The following MYBPC1 variants were observed in gnomAD, a reference collection of about 807,000 sequenced individuals.
MYBPC1 encodes the protein myosin binding protein C1.
MYBPC1 carries 52 observed loss-of-function variants against 147.1 expected under a neutral mutation model. The ratio of observed to expected loss-of-function variants is 0.35; its 90% CI spans 0.28 to 0.45. The LOEUF (loss-of-function observed/expected upper bound fraction) is 0.45, where lower values mean the gene tolerates loss of function less well. Ranked by LOEUF, MYBPC1 falls within the 20% of genes least tolerant of loss-of-function variation. The probability of loss-of-function intolerance (pLI) is 1.00; values close to 1 mark genes in which losing one functional copy is unlikely to be tolerated. For synonymous variants in MYBPC1, 477 were observed against 475.9 expected (o/e 1.00, Z -0.03); for missense variants, 1,228 against 1,440.3 (o/e 0.85, Z 2.39).
In MYBPC1 at chr12:101,678,282, A is replaced by G. The variant is rs370577811; in HGVS notation, c.3246+44A>G. 8.1e-6 allele frequency: 13 copies of G among 1,607,406 alleles called. No individual in the cohort carries two copies. The African/African-American group carries it at 1.2e-4, about 15-fold the overall frequency. On this transcript the variant is annotated intron_variant, in intron 28 of 31. Transcript: ENST00000361466. ...ACATCAGTTAAAGTCCCTGTCTTGT[A>G]TTTGTTGTGTTATAATGTAAGTAAC...
At chr12:101,673,350 G>A (rs1391372579) in intron 24 of MYBPC1, 77 bp from the exon 25 acceptor site, 2 of 1,492,862 alleles carry the variant, frequency 1.3e-6, no homozygotes, top group Non-Finnish European at 1.9e-6. Context: ...TTAAGCCACT[G>A]TCCTTCTCAT....
chr12:101,663,446 C>T lies in MYBPC1; in HGVS notation c.2242C>T (p.Leu748Phe). 1 of 1,613,932 alleles carries T rather than the reference C, an allele frequency of 6.2e-7. No individual in the cohort carries two copies. Among genetic ancestry groups the T allele is most frequent in the Non-Finnish European group, 8.5e-7 (1 of 1,179,846 alleles). ...TTAAGCTGTAACAAGCCCTCCTACT[C>T]TTCTGACTGTGGACTCTGTCACTGA... ...VPLAVTSPPT[L>F]LTVDSVTDTT... is the part of the protein sequence containing the mutation. Residue 748 changes from leucine to phenylalanine, a missense_variant, in exon 22 of 32, where the codon CTT becomes TTT. Physicochemically the swap from Leu to Phe is conservative, Grantham distance 22 (BLOSUM62 0). Coordinates refer to ENST00000361466, the MANE Select transcript of MYBPC1 (RefSeq NM_002465.4).
chr12:101,643,978 A>G (rs887934350), intron 11 of MYBPC1, among the ~76,000 whole-genome samples: 3 of 152,202 alleles, frequency 2.0e-5, no homozygotes, highest in African/African-American at 7.2e-5. Flanking sequence ...AGGAGTGCAG[A>G]AATAAGGCCA....
intron 17 of MYBPC1, 29 bp downstream of exon 17, chr12:101,652,813 G>A: frequency 6.4e-7 from 1 of 1,558,628 alleles, no homozygotes. Context: ...TCATTGCATA[G>A]TTGTGTTCTT....
rs142334513 is a variant in MYBPC1, at chr12:101,666,496, T to G, written c.2357-1236T>G. ...CAGCCTCCTTTCTCCTCTTCTCTAT[T>G]CTTTTCTTTTTTCTCCTCTTCTCTG... On this transcript the variant is annotated intron_variant, in intron 22 of 31. Transcript: ENST00000361466. 0.012 allele frequency: 5,431 copies of G among 470,534 alleles called. 92 individuals carry two copies. The highest frequency in any genetic ancestry group is 0.046 in the Middle Eastern group (75 of 1,646). 29.1% of individuals were successfully genotyped at this position (470,534 alleles called of 1,614,324 possible). A position where few individuals can be genotyped will look rare whatever the true frequency, so the allele number is the denominator to read the frequency against.
At position 101,629,500 on chromosome 12, in the gene MYBPC1, C is replaced by A; in HGVS notation, c.245C>A (p.Ser82Tyr). The A allele has an allele frequency of 3.7e-6, 6 of 1,613,986 alleles. No individual in the cohort carries two copies. The highest frequency in any genetic ancestry group is 5.1e-6 in the Non-Finnish European group (6 of 1,179,922). Reference sequence around the variant, plus strand: ...AAGCAGAATGCCAACTCCCAGCTGTCCATCTTGTTCATTGAAAAACCTCAA... The same window carrying A: ...AAGCAGAATGCCAACTCCCAGCTGTACATCTTGTTCATTGAAAAACCTCAA... The part of the protein sequence containing the change: ...QAKQNANSQL[S>Y]ILFIEKPQGG... The change falls in exon 6 of 32, where the codon TCC becomes TAC. Residue 82 changes from serine to tyrosine, a missense_variant. Ser to Tyr is a moderately radical substitution (Grantham distance 144). This residue lies in a region of MYBPC1 where 151 missense variants were observed against 126.1 expected (regional missense o/e 1.20). Transcript: ENST00000361466.
intron 3 of MYBPC1, among the ~76,000 whole-genome samples, chr12:101,625,204 A>T (rs918221969): frequency 6.6e-6 from 1 of 151,762 alleles, no homozygotes; most frequent in Non-Finnish European, 1.5e-5. Flanking sequence ...ATAAATAAAT[A>T]AACCTGGCAG....
At chr12:101,668,627 ATT>A (rs1897950679) in intron 23 of MYBPC1, among the ~76,000 whole-genome samples, 1 of 151,868 alleles carries the variant, frequency 6.6e-6, no homozygotes, top group East Asian at 2.0e-4. Flanking sequence ...CGCCTGGCTA[ATT>A]TTTTTGGTAT....
In MYBPC1 at chr12:101,682,590, T is replaced by G. The variant is rs1566021468; in HGVS notation, c.3434-14T>G. The G allele has an allele frequency of 6.2e-7, 1 of 1,608,758 alleles. No homozygotes were observed. The highest frequency in any genetic ancestry group is 8.5e-7 in the Non-Finnish European group (1 of 1,175,264). Reference sequence around the variant, plus strand: ...GAATAAATAAATACTGGTACAAATATTCTGATTCTGCAGTGATATATCAAG... The same window carrying G: ...GAATAAATAAATACTGGTACAAATAGTCTGATTCTGCAGTGATATATCAAG... On this transcript the variant is annotated splice_polypyrimidine_tract_variant and intron_variant, in intron 29 of 31. Coordinates refer to ENST00000361466, the MANE Select transcript of MYBPC1 (RefSeq NM_002465.4).
At chr12:101,603,475 GTGAT>G (rs1469370458) in intron 1 of MYBPC1, among the ~76,000 whole-genome samples, 1 of 152,156 alleles carries the variant, frequency 6.6e-6, no homozygotes. Context: ...GATGTGGTGG[GTGAT>G]TGATTGAGTG....
At chr12:101,678,354 AT>A in intron 28 of MYBPC1, 116 bp downstream of exon 28, 1 of 1,439,368 alleles carries the variant, frequency 6.9e-7, no homozygotes, top group Non-Finnish European at 9.7e-7. Context: ...AGGATGGGGG[AT>A]TAGAAGGTGG....
At position 101,649,303 on chromosome 12, in the gene MYBPC1, T is replaced by A. The variant is rs763522078; in HGVS notation, c.1240T>A (p.Tyr414Asn). 6.2e-7 allele frequency: 1 copy of A among 1,613,866 alleles called. No individual in the cohort carries two copies. The highest frequency in any genetic ancestry group is 8.5e-7 in the Non-Finnish European group (1 of 1,179,782). The change falls in exon 15 of 32, where the codon TAC becomes AAC. Residue 414 changes from tyrosine (Y) to asparagine (N), a missense_variant. This residue lies in a region of MYBPC1 where 1,077 missense variants were observed against 1,314.2 expected (regional missense o/e 0.82). Transcript: ENST00000361466. ...GATTATCCCTGGTCCAAAATCAAGATACCGAATTAGAGTTGAGGGTAAAAA... is the reference window on the plus strand; with the variant it reads ...GATTATCCCTGGTCCAAAATCAAGAAACCGAATTAGAGTTGAGGGTAAAAA... ...EEIIPGPKSR[Y>N]RIRVEGKKHI...
intron 1 of MYBPC1, chr12:101,600,447 A>C (rs1219275295): frequency 3.3e-5 from 5 of 152,202 alleles, no homozygotes. Context: ...TGGACACAAA[A>C]ACAAATAAAT....
intron 8 of MYBPC1, among the ~76,000 whole-genome samples, chr12:101,633,343 C>A (rs1771435945): frequency 6.6e-6 from 1 of 152,030 alleles, no homozygotes; most frequent in South Asian, 2.1e-4. Context: ...AGCATTTAGG[C>A]AGTTTAGAAT....
Position 101,678,104 on chromosome 12 carries a change from A to G in MYBPC1, c.3112A>G (p.Lys1038Glu). 1 of 1,613,158 alleles carries G rather than the reference A, an allele frequency of 6.2e-7. No individual in the cohort carries two copies. Among genetic ancestry groups the G allele is most frequent in the South Asian group, 1.1e-5 (1 of 91,070 alleles). The change falls in exon 28 of 32, where the codon AAA (lysine) becomes GAA (glutamate). Residue 1038 changes from lysine (K) to glutamate (E), a missense_variant and splice_region_variant. Physicochemically the swap from Lys to Glu is moderately conservative, Grantham distance 56. Coordinates refer to ENST00000361466, the MANE Select transcript of MYBPC1 (RefSeq NM_002465.4). Reference protein sequence around the residue: ...KESAVIARDGKIYKNPVYEDF... With the variant: ...KESAVIARDGEIYKNPVYEDF... ...TATTTGTAATGCTTGTTTTTAAGGT[A>G]AAATCTACAAAAATCCAGTGTATGA...
At position 101,673,606 on chromosome 12, in the gene MYBPC1, T is replaced by G. The variant is rs1326904042; in HGVS notation, c.2793T>G (p.Ile931Met). The change falls in exon 25 of 32, where the codon ATT (isoleucine) becomes ATG (methionine). Residue 931 changes from isoleucine to methionine, a missense_variant. Around this residue, in one of 2 missense-constraint regions of MYBPC1, gnomAD observed 1,077 missense variants for 1,314.2 expected, o/e 0.82. Transcript: ENST00000361466. ...ACAAATTCGTGGAGACCGCATCAAT[T>G]GACATCCAGATCATTGGTAGGTTTA... ...KVDKFVETAS[I>M]DIQIIDRPGP... 6.2e-7 allele frequency: 1 copy of G among 1,614,180 alleles called. No individual in the cohort carries two copies. Among genetic ancestry groups the G allele is most frequent in the Admixed American group, 1.7e-5 (1 of 60,016 alleles).
intron 28 of MYBPC1, 138 bp downstream of exon 28, chr12:101,678,376 A>G (rs1337934289): frequency 1.6e-6 from 2 of 1,243,488 alleles, no homozygotes; most frequent in South Asian, 1.3e-5. Flanking sequence ...TAGTGGTGGT[A>G]GATTATTAGG....
In MYBPC1 at chr12:101,652,623, C is replaced by A; in HGVS notation, c.1527-55C>A. The A allele has an allele frequency of 2.4e-6, 3 of 1,268,568 alleles. No individual in the cohort carries two copies. The South Asian group carries it at 3.6e-5, about 15-fold the overall frequency. 78.6% of individuals were successfully genotyped at this position (1,268,568 alleles called of 1,614,324 possible). A position where few individuals can be genotyped will look rare whatever the true frequency, so the allele number is the denominator to read the frequency against. ...GGTCAAGTGTCTTTTCAGCTTGGGT[C>A]ATATATAAACTAGATCTTTGGAGTC... On this transcript the variant is annotated intron_variant, in intron 16 of 31. Coordinates refer to ENST00000361466, the MANE Select transcript of MYBPC1 (RefSeq NM_002465.4).
chr12:101,674,862 C>CAAAAAAAAAAAAAA (rs62824364), intron 25 of MYBPC1, among the ~76,000 whole-genome samples: 1 of 59,864 alleles, frequency 1.7e-5, no homozygotes, highest in African/African-American at 8.2e-5. Context: ...ACTCTGTCTC[C>CAAAAAAAAAAAAAA]AAAAAAAAAA....
Sources: gnomAD v4.1 joint callset for allele counts (sites outside exome capture counted in the v4.1 genomes callset) on GRCh38, gnomAD v4.1.1 for gene constraint, gnomAD v4.1.1 regional missense constraint, MANE v1.5 for transcripts, NCBI Gene and HGNC (gene_info 2026-07-23, HGNC 2026-07-21) for gene names.